Variants in LRRC75B observed in about 807,000 individuals in gnomAD.
The protein encoded by LRRC75B is leucine-rich repeat-containing protein 75B.
A neutral mutation model predicts 16.5 loss-of-function variants in LRRC75B; 20 were observed. The observed-to-expected ratio is 1.21, with a 90% CI of 0.85 to 1.76. The LOEUF is 1.76. Ranked by LOEUF, LRRC75B falls within the 40% of genes most tolerant of loss-of-function variation. The probability of loss-of-function intolerance (pLI) is 0.00; values close to 1 mark genes in which losing one functional copy is unlikely to be tolerated. For synonymous variants in LRRC75B, 199 were observed against 198.1 expected, an observed-to-expected ratio of 1.00 and a Z score of -0.04; for missense variants, 406 against 417.0, an observed-to-expected ratio of 0.97 and a Z score of 0.23.
rs559553900 is a variant in LRRC75B at position 24,586,822 on chromosome 22, C to T, written c.423-411G>A. On this transcript the variant is annotated intron_variant, in intron 3 of 3. Coordinates refer to ENST00000318753, the MANE Select transcript of LRRC75B (RefSeq NM_207644.3). Reference sequence around the variant, plus strand: ...CTGGGATTACAGGCGTGAGCCACTGCGCCCGGGCCCAAACTGTCACTTTCT... The same window carrying T: ...CTGGGATTACAGGCGTGAGCCACTGTGCCCGGGCCCAAACTGTCACTTTCT... Among the ~76,000 whole-genome samples, 20 of 152,372 alleles carry T rather than the reference C, an allele frequency of 1.3e-4. 1 individual carries two copies. In the East Asian group the frequency reaches 1.5e-3, roughly 12 times the overall value.
At chr22:24,592,273 T>C (rs2045592282) in intron 1 of LRRC75B, 1 of 465,874 alleles carries the variant, frequency 2.1e-6, no homozygotes, top group African/African-American at 2.0e-5. Flanking sequence ...GCACAGATGC[T>C]GGGGATGTGT....
At position 24,592,553 on chromosome 22, in the gene LRRC75B, G is replaced by A; in HGVS notation, c.177+310C>T. 8.9e-6 allele frequency: 4 copies of A among 447,170 alleles called. 1 individual carries two copies. The highest frequency in any genetic ancestry group is 5.6e-5 in the South Asian group (3 of 53,210). The allele number at this position is 447,170 out of a possible 1,614,324, so 27.7% of individuals were successfully genotyped here. On this transcript the variant is annotated intron_variant, in intron 1 of 3. Coordinates refer to ENST00000318753, the MANE Select transcript of LRRC75B (RefSeq NM_207644.3). ...TTTGGGCTCTTAGGTCCAGGCTACCGGGCCACCCTCAACACACACAACCCC... is the reference window on the plus strand; with the variant it reads ...TTTGGGCTCTTAGGTCCAGGCTACCAGGCCACCCTCAACACACACAACCCC...
At chr22:24,591,852 T>G (rs2045576650) in intron 1 of LRRC75B, among the ~76,000 whole-genome samples, 1 of 152,226 alleles carries the variant, frequency 6.6e-6, no homozygotes, top group African/African-American at 2.4e-5. Context: ...CCAGCCTGCC[T>G]TCCATGGGTC....
intron 1 of LRRC75B, 62 bp from the exon 2 acceptor site, chr22:24,590,011 C>G: frequency 6.8e-7 from 1 of 1,478,170 alleles, no homozygotes; most frequent in Non-Finnish European, 9.0e-7. Flanking sequence ...AGGCACCACC[C>G]CAGCCAGCCA....
Position 24,588,416 on chromosome 22 carries a change from G to C in LRRC75B, c.307-87C>G, listed in dbSNP as rs147320917. 5.1e-3 allele frequency: 5,202 copies of C among 1,027,212 alleles called. 39 individuals carry two copies. Among genetic ancestry groups the C allele is most frequent in the Middle Eastern group, 0.018 (67 of 3,764 alleles). 63.6% of individuals were successfully genotyped at this position (1,027,212 alleles called of 1,614,324 possible). On this transcript the variant is annotated intron_variant, in intron 2 of 3. Coordinates refer to ENST00000318753, the MANE Select transcript of LRRC75B (RefSeq NM_207644.3). ...GGGAGAGGGACCCAGGCAGCCAAGT[G>C]TGTGTGTGAGCACAGTCATGCACCA...
At chr22:24,592,133 T>A in intron 1 of LRRC75B, 1 of 371,626 alleles carries the variant, frequency 2.7e-6, no homozygotes, top group Non-Finnish European at 5.4e-6. Context: ...GGGGACGGGG[T>A]GGTGAGGGAA....
chr22:24,592,775 A>G, intron 1 of LRRC75B, 88 bp downstream of exon 1: 3 of 1,289,816 alleles, frequency 2.3e-6, no homozygotes, highest in South Asian at 3.5e-5. Context: ...ATACAGGCCC[A>G]CAACCCATAG....
chr22:24,592,816 G>GACCCCCAT, intron 1 of LRRC75B, 47 bp downstream of exon 1: 1 of 1,268,578 alleles, frequency 7.9e-7, no homozygotes, highest in East Asian at 3.4e-5. Flanking sequence ...CAGACCCCCA[G>GACCCCCAT]ACCCTCCCTG....
intron 2 of LRRC75B, chr22:24,588,983 C>T (rs2045485363): frequency 9.9e-7 from 1 of 1,009,838 alleles, no homozygotes; most frequent in Non-Finnish European, 1.2e-6. Context: ...TTATCCAGTC[C>T]CTCTGTGAGC....
At chr22:24,586,492 C>T in intron 3 of LRRC75B, 81 bp from the exon 4 acceptor site, 1 of 1,398,972 alleles carries the variant, frequency 7.1e-7, no homozygotes, top group Non-Finnish European at 9.8e-7. Flanking sequence ...CTGTCGGGAA[C>T]AGCCCAGGCC....
chr22:24,589,061 A>T, intron 2 of LRRC75B: 1 of 1,030,664 alleles, frequency 9.7e-7, no homozygotes, highest in South Asian at 3.3e-5. Flanking sequence ...GCCGTGGGCT[A>T]GGCGCAGAGT....
chr22:24,588,402 C>T lies in LRRC75B; in HGVS notation c.307-73G>A, dbSNP rs142023409. 2.5e-6 allele frequency: 3 copies of T among 1,188,412 alleles called. No homozygotes were observed. In the Admixed American group the frequency reaches 5.8e-5, roughly 23 times the overall value. 73.6% of individuals were successfully genotyped at this position (1,188,412 alleles called of 1,614,324 possible). A position where few individuals can be genotyped will look rare whatever the true frequency, so the allele number is the denominator to read the frequency against. On this transcript the variant is annotated intron_variant, in intron 2 of 3. Transcript: ENST00000318753. ...ACCTCAGGGCCTTGGGGAGAGGGAC[C>T]CAGGCAGCCAAGTGTGTGTGTGAGC...
intron 1 of LRRC75B, 134 bp downstream of exon 1, chr22:24,592,729 C>T (rs2045608325): frequency 1.5e-6 from 2 of 1,297,098 alleles, no homozygotes; most frequent in Non-Finnish European, 2.0e-6. Context: ...CCCGCCTGCG[C>T]GCGCCAGAGA....
chr22:24,587,275 C>T (rs915194518), intron 3 of LRRC75B, among the ~76,000 whole-genome samples: 6 of 152,134 alleles, frequency 3.9e-5, no homozygotes, highest in African/African-American at 7.2e-5. Flanking sequence ...GGCTGGGGGC[C>T]GGCCATGAGG....
At chr22:24,589,266 C>T in intron 2 of LRRC75B, 1 of 1,261,606 alleles carries the variant, frequency 7.9e-7, no homozygotes, top group Non-Finnish European at 1.0e-6. Flanking sequence ...TTCTGGGCAG[C>T]TGTGGGGTGG....
At chr22:24,590,278 C>G (rs1029982560) in intron 1 of LRRC75B, among the ~76,000 whole-genome samples, 1 of 152,094 alleles carries the variant, frequency 6.6e-6, no homozygotes, top group Admixed American at 6.5e-5. Context: ...TAGACAGGCA[C>G]CACTATGCTC....
chr22:24,587,186 C>G (rs558236963), intron 3 of LRRC75B, among the ~76,000 whole-genome samples: 2 of 152,106 alleles, frequency 1.3e-5, no homozygotes, highest in African/African-American at 2.4e-5. Flanking sequence ...TACAAAGGGA[C>G]GGCTATTAGG....
At chr22:24,587,278 C>T (rs563581967) in intron 3 of LRRC75B, among the ~76,000 whole-genome samples, 1 of 152,274 alleles carries the variant, frequency 6.6e-6, no homozygotes, top group East Asian at 1.9e-4. Flanking sequence ...TGGGGGCCGG[C>T]CATGAGGGAG....
intron 3 of LRRC75B, among the ~76,000 whole-genome samples, chr22:24,587,709 C>G (rs1418868438): frequency 6.6e-6 from 1 of 152,178 alleles, no homozygotes; most frequent in Non-Finnish European, 1.5e-5. Context: ...CCACGGAAGC[C>G]TCAGTTTTAG....
Sources: allele counts gnomAD v4.1 joint callset (sites outside exome capture counted in the v4.1 genomes callset), GRCh38; gene constraint gnomAD v4.1.1; transcripts MANE v1.5; gene names NCBI Gene and HGNC (gene_info 2026-07-23, HGNC 2026-07-21).